The following HAS1 variants were observed in gnomAD, a reference collection of about 807,000 sequenced individuals.
HAS1 encodes hyaluronan synthase 1, also known as HA synthase 1.
Under a neutral mutation model 35.0 loss-of-function variants are expected in HAS1, and 27 were observed. The ratio of observed to expected loss-of-function variants is 0.77; its 90% CI spans 0.57 to 1.06. The LOEUF (loss-of-function observed/expected upper bound fraction) is 1.06. HAS1 is among the 50% of genes least tolerant of loss of function. The pLI, the probability that HAS1 is intolerant of heterozygous loss-of-function variation, is 0.00. For synonymous variants in HAS1, 409 were observed against 371.2 expected, an observed-to-expected ratio of 1.10 and a Z score of -1.17; for missense variants, 940 against 814.8, an observed-to-expected ratio of 1.15 and a Z score of -1.87.
intron 2 of HAS1, among the ~76,000 whole-genome samples, chr19:51,718,628 C>T (rs2083602181): frequency 6.6e-6 from 1 of 152,152 alleles, no homozygotes; most frequent in African/African-American, 2.4e-5. Context: ...CCTCCGCCTC[C>T]CGGGTTCAAA....
Position 51,717,120 on chromosome 19 carries a change from C to G in HAS1, c.773G>C (p.Arg258Pro). 6.2e-7 allele frequency: 1 copy of G among 1,613,992 alleles called. No homozygotes were observed. Among genetic ancestry groups the G allele is most frequent in the East Asian group, 2.2e-5 (1 of 44,878 alleles). Reference protein sequence around the residue: ...ELVRVLDEDPRVGAVGGDVRI... With the variant: ...ELVRVLDEDPPVGAVGGDVRI... ...CACGTCCCCACCAACAGCCCCTACC[C>G]GGGGGTCCTCGTCCAGTACCCGCAC... The change falls in exon 3 of 5, where the codon CGG becomes CCG. Residue 258 changes from arginine (R) to proline (P), a missense_variant. Coordinates refer to ENST00000540069, the MANE Select transcript of HAS1 (RefSeq NM_001297436.2).
At position 51,717,169 on chromosome 19, in the gene HAS1, C is replaced by G. The variant is rs1226288844; in HGVS notation, c.724G>C (p.Asp242His). 2 of 1,613,350 alleles carry G rather than the reference C, an allele frequency of 1.2e-6. No individual in the cohort carries two copies. The highest frequency in any genetic ancestry group is 1.7e-6 in the Non-Finnish European group (2 of 1,179,724). Reference protein sequence around the residue: ...VQVCDSDTRLDPMALLELVRV... With the variant: ...VQVCDSDTRLHPMALLELVRV... ...ACGAGCTCCAGCAGTGCCATGGGGT[C>G]CAACCTTGTGTCCGAGTCACAGACC... Residue 242 changes from aspartate to histidine, a missense_variant, in exon 3 of 5, where the codon GAC becomes CAC. Asp to His is a moderately conservative substitution (Grantham distance 81). Transcript: ENST00000540069.
Position 51,714,514 on chromosome 19 carries a change from CCCCA to C in HAS1, c.1059-416_1059-413del, listed in dbSNP as rs2083571889. ...GATCAGCCTAGGCAACATAGTGAGA[CCCCA>C]TCTCTAAAAAAAAAAAAAAAAAAAA... On this transcript the variant is annotated intron_variant, in intron 4 of 4. Coordinates refer to ENST00000540069, the MANE Select transcript of HAS1 (RefSeq NM_001297436.2). Among the ~76,000 whole-genome samples the C allele has an allele frequency of 2.2e-5, 3 of 139,442 alleles. No individual in the cohort carries two copies. In the South Asian group the frequency reaches 7.1e-4, roughly 33 times the overall value. The allele number at this position is 139,442 out of a possible 152,430, so 91.5% of individuals were successfully genotyped here.
intron 1 of HAS1, among the ~76,000 whole-genome samples, chr19:51,723,645 A>G (rs28731365): frequency 0.023 from 3,572 of 152,214 alleles, 148 homozygotes; most frequent in African/African-American, 0.08. Flanking sequence ...ACAAGTTTGT[A>G]GCAAGATACG....
intron 3 of HAS1, 119 bp from the exon 4 acceptor site, chr19:51,716,507 C>T (rs546564061): frequency 1.2e-6 from 1 of 824,316 alleles, no homozygotes; most frequent in African/African-American, 1.7e-5. Context: ...TCATCATAAT[C>T]TCAATCTCAG....
intron 2 of HAS1, 39 bp from the exon 3 acceptor site, chr19:51,717,232 G>T: frequency 7.3e-7 from 1 of 1,375,208 alleles, no homozygotes. Flanking sequence ...ACAGACCCCT[G>T]CATCAGGCTG....
At chr19:51,716,828 A>G in intron 3 of HAS1, 140 bp downstream of exon 3, 2 of 690,816 alleles carry the variant, frequency 2.9e-6, no homozygotes, top group Non-Finnish European at 5.2e-6. Flanking sequence ...CCTCACCGCC[A>G]GCTTCCAGTT....
intron 1 of HAS1, among the ~76,000 whole-genome samples, chr19:51,723,440 C>T (rs1599797190): frequency 6.6e-6 from 1 of 152,166 alleles, no homozygotes; most frequent in Non-Finnish European, 1.5e-5. Flanking sequence ...GATGAAATTG[C>T]TATTCTTCCA....
Position 51,713,424 on chromosome 19 carries a change from G to C in HAS1, c.*3C>G. 1 of 1,506,744 alleles carries C rather than the reference G, an allele frequency of 6.6e-7. No individual in the cohort carries two copies. Among genetic ancestry groups the C allele is most frequent in the Non-Finnish European group, 8.9e-7 (1 of 1,127,084 alleles). The allele number at this position is 1,506,744 out of a possible 1,614,324, so 93.3% of individuals were successfully genotyped here. On this transcript the variant is annotated 3_prime_UTR_variant, in exon 5 of 5. Transcript: ENST00000540069. This position sits in a 1 kb window ranked among gnomAD's most constrained non-coding sequence, Gnocchi z 4.5. ...CCTTGAGGCGGCATCCGCGTGGCTG[G>C]ACTCACACCTGGACGCGGTAGCCCC... is the stretch of plus-strand genomic sequence containing the variant.
Position 51,719,436 on chromosome 19 carries a change from C to CGGG in HAS1, c.466_468dup (p.Pro156dup). ...TAGTTGCCGTCCCACACGTACGTGG[C>CGGG]GGGGTCCTCGTCAGCGAAGACCTCG... On this transcript the variant is annotated inframe_insertion, in exon 2 of 5. Coordinates refer to ENST00000540069, the MANE Select transcript of HAS1 (RefSeq NM_001297436.2). 1 of 1,553,978 alleles carries CGGG rather than the reference C, an allele frequency of 6.4e-7. No individual in the cohort carries two copies. The highest frequency in any genetic ancestry group is 8.7e-7 in the Non-Finnish European group (1 of 1,148,162).
Position 51,716,251 on chromosome 19 carries a change from CTTACTTGG to C in HAS1, c.1055_1058+4del. The C allele has an allele frequency of 6.2e-7, 1 of 1,612,214 alleles. No individual in the cohort carries two copies. On this transcript the variant is annotated splice_donor_variant and splice_donor_region_variant and coding_sequence_variant and intron_variant, in exon 4 of 5. Coordinates refer to ENST00000540069, the MANE Select transcript of HAS1 (RefSeq NM_001297436.2). LOFTEE classifies it high-confidence loss of function. The stretch of plus-strand genomic sequence containing the variant: ...ATACCCGACCACCTGGTCCCCTCAG[CTTACTTGG>C]TAGCATAACCCATGCTGAGCATGCG...
At chr19:51,723,882 T>TACACACAC (rs759536923) in intron 1 of HAS1, 43 bp downstream of exon 1, 13 of 659,540 alleles carry the variant, frequency 2.0e-5, no homozygotes, top group South Asian at 9.7e-5. Context: ...CACATGGCTG[T>TACACACAC]ATACACACAC....
In HAS1 at chr19:51,714,032, G is replaced by C. The variant is rs548919286; in HGVS notation, c.1129C>G (p.Arg377Gly). Residue 377 changes from arginine to glycine, a missense_variant, in exon 5 of 5, where the codon CGC becomes GGC. Transcript: ENST00000540069. ...SFLRWLSQQT[R>G]WSKSYFREWL... ...TCACGGAAGTACGACTTGGACCAGC[G>C]TGTCTGCTGGCTCAGCCACCGCAGG... 6.2e-7 allele frequency: 1 copy of C among 1,613,922 alleles called. No individual in the cohort carries two copies. Among genetic ancestry groups the C allele is most frequent in the African/African-American group, 1.3e-5 (1 of 75,056 alleles).
chr19:51,715,450 C>T (rs116938152), intron 4 of HAS1, among the ~76,000 whole-genome samples: 27 of 152,278 alleles, frequency 1.8e-4, no homozygotes, highest in Non-Finnish European at 3.1e-4. Flanking sequence ...TTCCTATCCA[C>T]CACCCTTGCC....
rs1418866059 is a variant in HAS1, at chr19:51,719,253, T to C, written c.652A>G (p.Met218Val). 6.2e-7 allele frequency: 1 copy of C among 1,607,638 alleles called. No individual in the cohort carries two copies. The highest frequency in any genetic ancestry group is 1.7e-5 in the Admixed American group (1 of 59,054). The change falls in exon 2 of 5, where the codon ATG (methionine) becomes GTG (valine). Residue 218 changes from methionine (M) to valine (V), a missense_variant. By Grantham distance (21) the Met-to-Val change is conservative. Transcript: ENST00000540069. ...CCGAGCGCCTTGAAGGCTGTGTACA[T>C]GACCTCGCGCTTGCCGCCCCAGCGC... ...AQRWGGKREV[M>V]YTAFKALGDS...
At chr19:51,721,898 C>A (rs1473372623) in intron 1 of HAS1, among the ~76,000 whole-genome samples, 1 of 152,136 alleles carries the variant, frequency 6.6e-6, no homozygotes, top group Admixed American at 6.5e-5. Context: ...CTACTGCACC[C>A]GGTCTCTACA....
In HAS1 at chr19:51,719,630, G is replaced by A. The variant is rs1321433892; in HGVS notation, c.275C>T (p.Thr92Ile). Residue 92 changes from threonine (T) to isoleucine (I), a missense_variant, in exon 2 of 5, where the codon ACC (threonine) becomes ATC (isoleucine). Physicochemically the swap from Thr to Ile is moderately conservative, Grantham distance 89 (BLOSUM62 -1). Transcript: ENST00000540069. ...GATGGTCAGCGCCACACTGCGCGCGGTGGCTGCATCCAGCGGCCCCCGCGC... is the reference window on the plus strand; with the variant it reads ...GATGGTCAGCGCCACACTGCGCGCGATGGCTGCATCCAGCGGCCCCCGCGC... Reference protein sequence around the residue: ...AAARGPLDAATARSVALTISA... With the variant: ...AAARGPLDAAIARSVALTISA... The A allele has an allele frequency of 4.5e-6, 7 of 1,538,734 alleles. No individual in the cohort carries two copies. The highest frequency in any genetic ancestry group is 2.0e-5 in the Admixed American group (1 of 49,908).
At position 51,713,854 on chromosome 19, in the gene HAS1, C is replaced by A. The variant is rs370273566; in HGVS notation, c.1307G>T (p.Cys436Phe). The A allele has an allele frequency of 6.2e-7, 1 of 1,607,060 alleles. No individual in the cohort carries two copies. The highest frequency in any genetic ancestry group is 8.5e-7 in the Non-Finnish European group (1 of 1,179,444). The change falls in exon 5 of 5, where the codon TGC becomes TTC. Residue 436 changes from cysteine (C) to phenylalanine (F), a missense_variant. Cys to Phe is a radical substitution (Grantham distance 205). Coordinates refer to ENST00000540069, the MANE Select transcript of HAS1 (RefSeq NM_001297436.2). This position sits in a 1 kb window ranked among gnomAD's most constrained non-coding sequence, Gnocchi z 4.5. ...CTTGGCCAGTGCCACGCCCTGCACGCACAGCAGCACCCACAGCAGCGCCCA... is the reference window on the plus strand; with the variant it reads ...CTTGGCCAGTGCCACGCCCTGCACGAACAGCAGCACCCACAGCAGCGCCCA... ...RPWALLWVLLCVQGVALAKAA... is the reference protein window; with the variant it reads ...RPWALLWVLLFVQGVALAKAA...
At chr19:51,720,813 C>T (rs1423206325) in intron 1 of HAS1, among the ~76,000 whole-genome samples, 1 of 152,134 alleles carries the variant, frequency 6.6e-6, no homozygotes, top group Admixed American at 6.5e-5. Context: ...CTCTTAAATC[C>T]GTGAGGATGA....
Sources: allele counts gnomAD v4.1 joint callset (sites outside exome capture counted in the v4.1 genomes callset), GRCh38; gene constraint gnomAD v4.1.1; non-coding constraint Gnocchi (gnomAD v3.1); transcripts MANE v1.5; gene names NCBI Gene and HGNC (gene_info 2026-07-23, HGNC 2026-07-21).